Variants in SNTG1 observed in about 807,000 individuals in gnomAD.
The protein encoded by SNTG1 is syntrophin gamma 1, also known as gamma-1-syntrophin.
Under a neutral mutation model 74.7 loss-of-function variants are expected in SNTG1, and 39 were observed. The ratio of observed to expected loss-of-function variants is 0.52; its 90% CI spans 0.40 to 0.68. SNTG1 has a LOEUF of 0.68. SNTG1 is among the 30% of genes least tolerant of loss of function. The probability of loss-of-function intolerance (pLI) is 0.00; values close to 1 mark genes in which losing one functional copy is unlikely to be tolerated. For missense variants in SNTG1, 685 were observed against 609.5 expected, an observed-to-expected ratio of 1.12 and a Z score of -1.30; for synonymous variants, 254 against 217.1, an observed-to-expected ratio of 1.17 and a Z score of -1.49.
chr8:50,181,203 GTTAACTTAA>G (rs2083194152), intron 2 of SNTG1, among the ~76,000 whole-genome samples: 1 of 152,096 alleles, frequency 6.6e-6, no homozygotes, highest in African/African-American at 2.4e-5. Flanking sequence ...CTCACTTTTA[GTTAACTTAA>G]TCTGACTCAT....
At chr8:50,158,500 A>G (rs2082319691) in intron 1 of SNTG1, among the ~76,000 whole-genome samples, 1 of 152,194 alleles carries the variant, frequency 6.6e-6, no homozygotes, top group South Asian at 2.1e-4. Flanking sequence ...TTAGAATAAC[A>G]GGGTAATAGT....
chr8:50,261,583 T>C (rs2087196328), intron 2 of SNTG1, among the ~76,000 whole-genome samples: 1 of 152,046 alleles, frequency 6.6e-6, no homozygotes. Context: ...ATGTACCCAG[T>C]GGATATAATT....
intron 1 of SNTG1, among the ~76,000 whole-genome samples, chr8:49,978,313 G>C (rs376924956): frequency 1.4e-4 from 21 of 152,198 alleles, no homozygotes; most frequent in South Asian, 6.2e-4. Context: ...GGGAAGAAGA[G>C]AACAGGGCTA....
At chr8:50,380,101 C>G (rs896407355) in intron 2 of SNTG1, among the ~76,000 whole-genome samples, 14 of 152,214 alleles carry the variant, frequency 9.2e-5, no homozygotes, top group Non-Finnish European at 1.8e-4. Context: ...GCAAACTGCT[C>G]TCTGAGTTAT....
chr8:49,981,706 T>C (rs1812692955), intron 1 of SNTG1, among the ~76,000 whole-genome samples: 1 of 152,232 alleles, frequency 6.6e-6, no homozygotes, highest in South Asian at 2.1e-4. Flanking sequence ...GTTGAAATAC[T>C]ATAATCTTTT....
At chr8:50,225,370 G>A (rs1240272715) in intron 2 of SNTG1, among the ~76,000 whole-genome samples, 2 of 152,142 alleles carry the variant, frequency 1.3e-5, no homozygotes, top group African/African-American at 4.8e-5. Flanking sequence ...TATTTCGGTT[G>A]GTTCCAGGTC....
At chr8:50,127,661 C>T (rs1036475949) in intron 1 of SNTG1, among the ~76,000 whole-genome samples, 1 of 152,154 alleles carries the variant, frequency 6.6e-6, no homozygotes. Flanking sequence ...AGTTTTCTGC[C>T]ACTCTTGTTG....
chr8:49,955,306 A>G (rs908155059), intron 1 of SNTG1, among the ~76,000 whole-genome samples: 4 of 152,202 alleles, frequency 2.6e-5, no homozygotes, highest in African/African-American at 9.7e-5. Flanking sequence ...GATTGCATTC[A>G]TGCGGTAAAG....
At chr8:50,504,105 T>C (rs2093986633) in intron 9 of SNTG1, among the ~76,000 whole-genome samples, 1 of 152,202 alleles carries the variant, frequency 6.6e-6, no homozygotes, top group African/African-American at 2.4e-5. Context: ...GGTTTTCTGT[T>C]CCTGTGTTAG....
intron 15 of SNTG1, among the ~76,000 whole-genome samples, chr8:50,670,541 G>A (rs2095275548): frequency 6.7e-6 from 1 of 150,020 alleles, no homozygotes; most frequent in Non-Finnish European, 1.5e-5. Flanking sequence ...GGAAATGAAA[G>A]AGGATACAAA....
At chr8:50,343,792 G>T (rs2091390214) in intron 2 of SNTG1, among the ~76,000 whole-genome samples, 1 of 151,938 alleles carries the variant, frequency 6.6e-6, no homozygotes, top group South Asian at 2.1e-4. Flanking sequence ...CTGATTTTTT[G>T]AAATAAAAAA....
chr8:49,947,528 A>C (rs1422592731), intron 1 of SNTG1, among the ~76,000 whole-genome samples: 1 of 152,204 alleles, frequency 6.6e-6, no homozygotes, highest in Non-Finnish European at 1.5e-5. Context: ...GGCATCTTCC[A>C]GGAAGGATAC....
At chr8:49,967,674 AC>A (rs1441462337) in intron 1 of SNTG1, among the ~76,000 whole-genome samples, 1 of 152,070 alleles carries the variant, frequency 6.6e-6, no homozygotes, top group Non-Finnish European at 1.5e-5. Context: ...TCTGAGTTCA[AC>A]CCTTTCTCTG....
intron 1 of SNTG1, among the ~76,000 whole-genome samples, chr8:49,934,715 A>G (rs1807902108): frequency 6.6e-6 from 1 of 152,198 alleles, no homozygotes; most frequent in Non-Finnish European, 1.5e-5. Flanking sequence ...TACAGATGCA[A>G]ATATAAGAGC....
chr8:50,107,622 C>T (rs2080425795), intron 1 of SNTG1, among the ~76,000 whole-genome samples: 1 of 151,776 alleles, frequency 6.6e-6, no homozygotes, highest in African/African-American at 2.4e-5. Context: ...ATGATCTTGG[C>T]TCACTGAAAC....
At chr8:50,546,607 C>G (rs1159576611) in intron 11 of SNTG1, among the ~76,000 whole-genome samples, 1 of 149,050 alleles carries the variant, frequency 6.7e-6, no homozygotes, top group Non-Finnish European at 1.5e-5. Context: ...TGTTCAGTTC[C>G]CATGTATGAG....
intron 2 of SNTG1, among the ~76,000 whole-genome samples, chr8:50,275,027 CT>C (rs764819318): frequency 4.6e-5 from 7 of 151,678 alleles, no homozygotes; most frequent in Non-Finnish European, 7.4e-5. Flanking sequence ...TGCAGTTTTC[CT>C]TTTTTTTATA....
chr8:50,555,959 A>G (rs1199848838), intron 12 of SNTG1, among the ~76,000 whole-genome samples: 1 of 152,080 alleles, frequency 6.6e-6, no homozygotes, highest in Admixed American at 6.6e-5. Flanking sequence ...TGTGTTGATC[A>G]TTTTCTTTTC....
chr8:50,149,876 G>T (rs1357931121), intron 1 of SNTG1, among the ~76,000 whole-genome samples: 1 of 152,110 alleles, frequency 6.6e-6, no homozygotes, highest in Admixed American at 6.6e-5. Flanking sequence ...GGCAATGCGG[G>T]TTCTTTTTTG....
Sources: allele counts gnomAD v4.1 joint callset (sites outside exome capture counted in the v4.1 genomes callset), GRCh38; gene constraint gnomAD v4.1.1; transcripts MANE v1.5; gene names NCBI Gene and HGNC (gene_info 2026-07-23, HGNC 2026-07-21).